Variants in IGF2BP2 observed in about 807,000 individuals in gnomAD.
IGF2BP2 encodes insulin like growth factor 2 mRNA binding protein 2, also known as insulin-like growth factor 2 mRNA-binding protein 2.
IGF2BP2 carries 17 observed loss-of-function variants against 75.8 expected under a neutral mutation model. The observed-to-expected ratio is 0.22, with a 90% CI of 0.15 to 0.34. The LOEUF is 0.34. Ranked by LOEUF, IGF2BP2 falls within the 10% of genes least tolerant of loss-of-function variation. The pLI, the probability that IGF2BP2 is intolerant of heterozygous loss-of-function variation, is 1.00. For missense variants in IGF2BP2, 516 were observed against 772.4 expected (o/e 0.67, Z 3.93); for synonymous variants, 288 against 295.6 (o/e 0.97, Z 0.26).
chr3:185,776,580 A>G (rs1284631512), intron 2 of IGF2BP2, among the ~76,000 whole-genome samples: 3 of 152,192 alleles, frequency 2.0e-5, no homozygotes, highest in African/African-American at 7.2e-5. Context: ...GCTATCCAAT[A>G]GGAAGGAAGT....
chr3:185,760,843 G>A (rs115532931), intron 2 of IGF2BP2, among the ~76,000 whole-genome samples: 262 of 152,264 alleles, frequency 1.7e-3, no homozygotes, highest in African/African-American at 6.1e-3. Context: ...TAAACTTGCT[G>A]CCCAACTTTA....
intron 2 of IGF2BP2, among the ~76,000 whole-genome samples, chr3:185,809,537 G>A (rs898707266): frequency 2.6e-5 from 4 of 152,138 alleles, no homozygotes; most frequent in African/African-American, 9.7e-5. Flanking sequence ...GCCTGAGGTG[G>A]GAGGATCACC....
chr3:185,780,886 T>G (rs1236938619), intron 2 of IGF2BP2, among the ~76,000 whole-genome samples: 1 of 152,214 alleles, frequency 6.6e-6, no homozygotes, highest in Non-Finnish European at 1.5e-5. Flanking sequence ...GTGGCAAAGC[T>G]AGACCTTGGC....
In IGF2BP2 at chr3:185,658,302, G is replaced by A. The variant is rs761636673; in HGVS notation, c.1269+39C>T. The A allele has an allele frequency of 4.4e-6, 7 of 1,586,568 alleles. No homozygotes were observed. In the East Asian group the frequency reaches 1.1e-4, roughly 25 times the overall value. ...AAGGGCCAAGTGGGCCTAGCCCCAG[G>A]AGAAGTGGCAGGTGCGGCTGAACTG... is the stretch of plus-strand genomic sequence containing the variant. On this transcript the variant is annotated intron_variant, in intron 11 of 15. Coordinates refer to ENST00000382199, the MANE Select transcript of IGF2BP2 (RefSeq NM_006548.6).
At chr3:185,791,799 T>C (rs1736677954) in intron 2 of IGF2BP2, among the ~76,000 whole-genome samples, 1 of 152,254 alleles carries the variant, frequency 6.6e-6, no homozygotes, top group Admixed American at 6.5e-5. Context: ...ACAGTGTTTC[T>C]ACACAAAAAC....
At chr3:185,810,128 A>G (rs1739601680) in intron 2 of IGF2BP2, among the ~76,000 whole-genome samples, 2 of 152,226 alleles carry the variant, frequency 1.3e-5, no homozygotes, top group Non-Finnish European at 2.9e-5. Context: ...TGACCATTAT[A>G]AAGTGATTAC....
intron 13 of IGF2BP2, 121 bp from the exon 14 acceptor site, chr3:185,649,655 G>A (rs1183228915): frequency 1.5e-6 from 2 of 1,362,502 alleles, no homozygotes; most frequent in South Asian, 1.4e-5. Context: ...CACTCCCTGG[G>A]ACACACAGGA....
intron 2 of IGF2BP2, chr3:185,713,582 CTT>C: frequency 2.1e-6 from 1 of 474,838 alleles, no homozygotes; most frequent in South Asian, 1.5e-5. Flanking sequence ...ACATGGAGCT[CTT>C]TCTCGTTATT....
intron 2 of IGF2BP2, among the ~76,000 whole-genome samples, chr3:185,808,820 A>G (rs1739407521): frequency 6.6e-6 from 1 of 151,898 alleles, no homozygotes; most frequent in Non-Finnish European, 1.5e-5. Flanking sequence ...CACCTGCCTC[A>G]GCCTCTCAAA....
intron 2 of IGF2BP2, among the ~76,000 whole-genome samples, chr3:185,822,515 T>G (rs754384490): frequency 6.6e-6 from 1 of 152,218 alleles, no homozygotes; most frequent in Non-Finnish European, 1.5e-5. Flanking sequence ...AATATAACTA[T>G]AGATTTCACA....
intron 10 of IGF2BP2, among the ~76,000 whole-genome samples, chr3:185,665,551 G>C (rs1717399959): frequency 7.0e-6 from 1 of 143,486 alleles, no homozygotes; most frequent in African/African-American, 2.6e-5. Flanking sequence ...GGAGGAGAAG[G>C]AGGAGGAGAA....
chr3:185,688,230 T>G (rs1363120545), intron 6 of IGF2BP2, among the ~76,000 whole-genome samples: 1 of 152,246 alleles, frequency 6.6e-6, no homozygotes, highest in East Asian at 1.9e-4. Flanking sequence ...AATTATTATG[T>G]GTCAGTAATT....
At chr3:185,729,247 G>C (rs571792999) in intron 2 of IGF2BP2, among the ~76,000 whole-genome samples, 1 of 152,176 alleles carries the variant, frequency 6.6e-6, no homozygotes, top group Non-Finnish European at 1.5e-5. Flanking sequence ...GTGATCATTT[G>C]AATTGGGAGC....
At chr3:185,715,467 C>T (rs777119552) in intron 2 of IGF2BP2, among the ~76,000 whole-genome samples, 2 of 152,186 alleles carry the variant, frequency 1.3e-5, no homozygotes, top group Non-Finnish European at 1.5e-5. Context: ...GCACAGCCAG[C>T]AGCACTAACT....
At chr3:185,792,217 C>T (rs1279340207) in intron 2 of IGF2BP2, among the ~76,000 whole-genome samples, 1 of 152,078 alleles carries the variant, frequency 6.6e-6, no homozygotes, top group African/African-American at 2.4e-5. Context: ...GTTCAGGTAC[C>T]GTCAAATTAT....
chr3:185,684,191 A>G (rs900346432), intron 7 of IGF2BP2, among the ~76,000 whole-genome samples: 1 of 152,122 alleles, frequency 6.6e-6, no homozygotes, highest in Non-Finnish European at 1.5e-5. Flanking sequence ...TGACTGCTCA[A>G]TAAATATTTG....
intron 2 of IGF2BP2, among the ~76,000 whole-genome samples, chr3:185,779,289 A>G (rs1391639322): frequency 6.6e-6 from 1 of 152,212 alleles, no homozygotes. Flanking sequence ...TTCTATTTTC[A>G]AAGTGTATTG....
intron 2 of IGF2BP2, among the ~76,000 whole-genome samples, chr3:185,723,245 G>A (rs1043742525): frequency 6.6e-6 from 1 of 152,108 alleles, no homozygotes; most frequent in African/African-American, 2.4e-5. Context: ...TCTATCCCTT[G>A]GAAATCATGA....
chr3:185,782,849 T>C (rs1021968265), intron 2 of IGF2BP2, among the ~76,000 whole-genome samples: 4 of 152,196 alleles, frequency 2.6e-5, no homozygotes, highest in African/African-American at 9.7e-5. Flanking sequence ...GCTGGCTTTC[T>C]GGCATGGTCA....
Sources: allele counts gnomAD v4.1 joint callset (sites outside exome capture counted in the v4.1 genomes callset), GRCh38; gene constraint gnomAD v4.1.1; transcripts MANE v1.5; gene names NCBI Gene and HGNC (gene_info 2026-07-23, HGNC 2026-07-21).